Variants in CTNNBL1 observed in about 807,000 individuals in gnomAD.
CTNNBL1 encodes catenin beta like 1, also known as beta-catenin-like protein 1.
CTNNBL1 carries 31 observed loss-of-function variants against 72.7 expected under a neutral mutation model. That is an observed-to-expected ratio of 0.43 (90% CI 0.32 to 0.58). The LOEUF is 0.58. Among genes scored for constraint, CTNNBL1 ranks in the 20% least tolerant of loss-of-function variants. The probability of loss-of-function intolerance (pLI) is 0.08; values close to 1 mark genes in which losing one functional copy is unlikely to be tolerated. For missense variants in CTNNBL1, 534 were observed against 725.1 expected, an observed-to-expected ratio of 0.74 and a Z score of 3.03; for synonymous variants, 240 against 267.3, an observed-to-expected ratio of 0.90 and a Z score of 1.00.
At chr20:37,745,992 A>G (rs2122622127) in intron 3 of CTNNBL1, among the ~76,000 whole-genome samples, 1 of 152,234 alleles carries the variant, frequency 6.6e-6, no homozygotes. Flanking sequence ...AAAGAGGAGG[A>G]AGAGGGAGGG....
intron 7 of CTNNBL1, among the ~76,000 whole-genome samples, chr20:37,768,353 A>G (rs2073490136): frequency 6.6e-6 from 1 of 152,216 alleles, no homozygotes; most frequent in African/African-American, 2.4e-5. Context: ...CACTGTTAAC[A>G]ATATTATATC....
chr20:37,797,536 ACT>A (rs1476971123), intron 10 of CTNNBL1, among the ~76,000 whole-genome samples: 2 of 151,464 alleles, frequency 1.3e-5, no homozygotes, highest in African/African-American at 4.9e-5. Context: ...AGATTTGATG[ACT>A]CTTTCAAAAT....
At chr20:37,852,906 A>G (rs1043766943) in intron 13 of CTNNBL1, among the ~76,000 whole-genome samples, 2 of 152,194 alleles carry the variant, frequency 1.3e-5, no homozygotes, top group Non-Finnish European at 2.9e-5. Context: ...TAAGGACACT[A>G]GTAAATTAGT....
chr20:37,718,632 C>CG (rs1275944701), intron 1 of CTNNBL1, among the ~76,000 whole-genome samples: 1 of 152,102 alleles, frequency 6.6e-6, no homozygotes. Context: ...GCTGGCCAGG[C>CG]GGGGGGCTGA....
At chr20:37,711,307 G>A (rs1363747325) in intron 1 of CTNNBL1, among the ~76,000 whole-genome samples, 1 of 151,982 alleles carries the variant, frequency 6.6e-6, no homozygotes, top group Non-Finnish European at 1.5e-5. Context: ...TGTTTCTAGG[G>A]CATTGTAACA....
At chr20:37,862,442 G>A (rs907968259) in intron 15 of CTNNBL1, among the ~76,000 whole-genome samples, 7 of 152,128 alleles carry the variant, frequency 4.6e-5, no homozygotes, top group Non-Finnish European at 4.4e-5. Context: ...GTAGTAGTTG[G>A]ATGTTTTTCT....
intron 13 of CTNNBL1, among the ~76,000 whole-genome samples, chr20:37,849,042 C>G (rs1200589378): frequency 6.6e-6 from 1 of 152,182 alleles, no homozygotes; most frequent in East Asian, 1.9e-4. Flanking sequence ...TCTGTTTACT[C>G]CTCTCCCTCC....
chr20:37,707,547 G>A (rs1392764399), intron 1 of CTNNBL1, among the ~76,000 whole-genome samples: 1 of 152,210 alleles, frequency 6.6e-6, no homozygotes. Context: ...GAGAGTTAGG[G>A]CCTTGCTCTG....
intron 11 of CTNNBL1, among the ~76,000 whole-genome samples, chr20:37,816,079 G>GT (rs2072055937): frequency 6.6e-6 from 1 of 152,194 alleles, no homozygotes; most frequent in Non-Finnish European, 1.5e-5. Context: ...GATTTTGCTT[G>GT]TGGGTGTCCA....
chr20:37,819,811 A>G (rs571720394), intron 11 of CTNNBL1, among the ~76,000 whole-genome samples: 9 of 149,978 alleles, frequency 6.0e-5, no homozygotes, highest in Non-Finnish European at 1.3e-4. Flanking sequence ...TAGCCCACAT[A>G]TTATTGTCTT....
At chr20:37,865,714 G>A (rs1470133741) in intron 15 of CTNNBL1, among the ~76,000 whole-genome samples, 2 of 152,226 alleles carry the variant, frequency 1.3e-5, no homozygotes, top group East Asian at 1.9e-4. Flanking sequence ...CAGTCTTATC[G>A]ATGTTTTAGT....
intron 15 of CTNNBL1, among the ~76,000 whole-genome samples, chr20:37,869,876 G>T (rs2072567856): frequency 6.6e-6 from 1 of 152,168 alleles, no homozygotes; most frequent in Non-Finnish European, 1.5e-5. Context: ...CTGGCTGTGG[G>T]CAGGGGACAG....
At chr20:37,757,966 G>A (rs983590136) in intron 5 of CTNNBL1, among the ~76,000 whole-genome samples, 3 of 152,174 alleles carry the variant, frequency 2.0e-5, no homozygotes, top group African/African-American at 7.2e-5. Context: ...CCATGAAGCT[G>A]TGACTTAGGC....
intron 11 of CTNNBL1, among the ~76,000 whole-genome samples, chr20:37,824,801 A>G (rs576565875): frequency 5.9e-5 from 9 of 152,246 alleles, no homozygotes; most frequent in Admixed American, 1.3e-4. Context: ...TATTTTCAAG[A>G]TTGCCTCATG....
intron 10 of CTNNBL1, among the ~76,000 whole-genome samples, chr20:37,780,851 C>T (rs2073619380): frequency 6.6e-6 from 1 of 152,062 alleles, no homozygotes; most frequent in Non-Finnish European, 1.5e-5. Flanking sequence ...GAGGATCTGA[C>T]CTCCTATATC....
Position 37,785,187 on chromosome 20 carries a change from T to A in CTNNBL1, c.1031+5852T>A, listed in dbSNP as rs149178259. Reference sequence around the variant, plus strand: ...TTCTTTTCTCTTGCTGCTTTTAGGATCCTTTGTTTATCCTTGACATTTGGG... The same window carrying A: ...TTCTTTTCTCTTGCTGCTTTTAGGAACCTTTGTTTATCCTTGACATTTGGG... On this transcript the variant is annotated intron_variant, in intron 10 of 15. Coordinates refer to ENST00000361383, the MANE Select transcript of CTNNBL1 (RefSeq NM_030877.5). 4.3e-3 allele frequency among the ~76,000 whole-genome samples: 653 copies of A among 152,346 alleles called. 2 individuals are homozygous for A. The highest frequency in any genetic ancestry group is 0.015 in the African/African-American group (608 of 41,576).
intron 12 of CTNNBL1, among the ~76,000 whole-genome samples, chr20:37,840,452 C>T (rs1057266941): frequency 1.3e-5 from 2 of 152,152 alleles, no homozygotes; most frequent in Non-Finnish European, 2.9e-5. Flanking sequence ...ACCCAAAGAG[C>T]GTGGATTAGA....
intron 13 of CTNNBL1, among the ~76,000 whole-genome samples, chr20:37,852,641 G>C (rs2235460): frequency 1.3e-5 from 2 of 152,106 alleles, no homozygotes; most frequent in South Asian, 4.2e-4. Context: ...AAGAGCACCG[G>C]ATCAGGGAAA....
At position 37,860,317 on chromosome 20, in the gene CTNNBL1, A is replaced by C; in HGVS notation, c.1576A>C (p.Ile526Leu). ...GATCCTAAACATGCGAGGAAGCTCC[A>C]TCAAAATTGTCAGGCATATCATCAA... ...HQILNMRGSS[I>L]KIVRHIIKEY... is the part of the protein sequence containing the mutation. The change falls in exon 15 of 16, where the codon ATC (isoleucine) becomes CTC (leucine). Residue 526 changes from isoleucine (I) to leucine (L), a missense_variant. Ile to Leu is a conservative substitution (Grantham distance 5). Coordinates refer to ENST00000361383, the MANE Select transcript of CTNNBL1 (RefSeq NM_030877.5). 6.2e-7 allele frequency: 1 copy of C among 1,614,126 alleles called. No individual in the cohort carries two copies. Among genetic ancestry groups the C allele is most frequent in the Non-Finnish European group, 8.5e-7 (1 of 1,179,956 alleles).
Sources: allele counts gnomAD v4.1 joint callset (sites outside exome capture counted in the v4.1 genomes callset), GRCh38; gene constraint gnomAD v4.1.1; transcripts MANE v1.5; gene names NCBI Gene and HGNC (gene_info 2026-07-23, HGNC 2026-07-21).